BCKDHB: variants seen among roughly 807,000 people sequenced by gnomAD.
BCKDHB encodes the protein branched chain keto acid dehydrogenase E1 subunit beta, also known as 2-oxoisovalerate dehydrogenase subunit beta, mitochondrial.
In BCKDHB, 41 loss-of-function variants were observed where a neutral mutation model predicts 48.5. The observed-to-expected ratio is 0.85, with a 90% CI of 0.66 to 1.10. The LOEUF (loss-of-function observed/expected upper bound fraction) is 1.10. Ranked by LOEUF, BCKDHB falls within the 50% of genes least tolerant of loss-of-function variation. The pLI is 0.00. For synonymous variants in BCKDHB, 201 were observed against 174.8 expected, an observed-to-expected ratio of 1.15 and a Z score of -1.18; for missense variants, 496 against 494.2, an observed-to-expected ratio of 1.00 and a Z score of -0.03.
intron 8 of BCKDHB, among the ~76,000 whole-genome samples, chr6:80,238,217 C>T (rs1249812154): frequency 6.6e-6 from 1 of 152,226 alleles, no homozygotes; most frequent in Non-Finnish European, 1.5e-5. Context: ...CCTGCCTCAG[C>T]CTCCTGAGTA....
At chr6:80,207,063 G>C (rs1020882567) in intron 8 of BCKDHB, among the ~76,000 whole-genome samples, 1 of 151,914 alleles carries the variant, frequency 6.6e-6, no homozygotes, top group African/African-American at 2.4e-5. Flanking sequence ...TCACTAGCAG[G>C]CTCTCACTAA....
At chr6:80,258,665 A>G (rs2127947110) in intron 8 of BCKDHB, among the ~76,000 whole-genome samples, 1 of 152,216 alleles carries the variant, frequency 6.6e-6, no homozygotes, top group Admixed American at 6.5e-5. Flanking sequence ...GGGGGCTAGT[A>G]TCTAAGCAGT....
At chr6:80,362,733 A>G in the BCKDHB span, among the ~76,000 whole-genome samples, 4 of 152,344 alleles carry the variant, frequency 2.6e-5, no homozygotes, top group African/African-American at 9.6e-5. Context: ...GAGAGATTTG[A>G]TGTGAACAAA....
At chr6:80,451,160 A>T in the BCKDHB span, among the ~76,000 whole-genome samples, 1 of 152,198 alleles carries the variant, frequency 6.6e-6, no homozygotes, top group Non-Finnish European at 1.5e-5. Flanking sequence ...CCTCATTTCT[A>T]CCAAGAATAA....
the BCKDHB span, among the ~76,000 whole-genome samples, chr6:80,426,718 C>T: frequency 2.0e-5 from 3 of 152,062 alleles, no homozygotes; most frequent in African/African-American, 4.8e-5. Flanking sequence ...AAAAAATGTA[C>T]TGAGACATGT....
chr6:80,313,378 T>C (rs1768265022), intron 9 of BCKDHB, among the ~76,000 whole-genome samples: 1 of 152,180 alleles, frequency 6.6e-6, no homozygotes, highest in South Asian at 2.1e-4. Context: ...TGTTTTTCTT[T>C]GAGATGGAGT....
Position 80,217,353 on chromosome 6 carries a change from C to G in BCKDHB, c.951+14141C>G, listed in dbSNP as rs772714937. On this transcript the variant is annotated intron_variant, in intron 8 of 9. Transcript: ENST00000320393. Reference sequence around the variant, plus strand: ...TGCTTTCATTTTTTTCTTCTAGGAACTTGGTTTGTTTCTTTACGTGTTTAT... The same window carrying G: ...TGCTTTCATTTTTTTCTTCTAGGAAGTTGGTTTGTTTCTTTACGTGTTTAT... Among the ~76,000 whole-genome samples the G allele has an allele frequency of 1.8e-4, 27 of 152,176 alleles. 1 individual carries two copies. Among genetic ancestry groups the G allele is most frequent in the South Asian group, 1.7e-3 (8 of 4,826 alleles).
chr6:80,135,947 T>C (rs1247277008), intron 3 of BCKDHB: 3 of 152,218 alleles, frequency 2.0e-5, no homozygotes, highest in Admixed American at 2.0e-4. Context: ...GCCTTATTCA[T>C]TTATAATAAT....
At chr6:80,129,805 T>G (rs2127728661) in intron 3 of BCKDHB, among the ~76,000 whole-genome samples, 1 of 152,312 alleles carries the variant, frequency 6.6e-6, no homozygotes, top group South Asian at 2.1e-4. Flanking sequence ...CTTAAGGCCT[T>G]AAATTGATTG....
intron 3 of BCKDHB, among the ~76,000 whole-genome samples, chr6:80,131,199 G>A (rs1056145581): frequency 5.3e-5 from 8 of 152,122 alleles, no homozygotes; most frequent in African/African-American, 1.9e-4. Flanking sequence ...TCAGACTTCC[G>A]TTCTGAGCTT....
chr6:80,377,040 A>ATT, the BCKDHB span, among the ~76,000 whole-genome samples: 24 of 133,288 alleles, frequency 1.8e-4, no homozygotes, highest in African/African-American at 5.5e-4. Context: ...AAGGCTTTTA[A>ATT]TTTTTTTTTT....
intron 3 of BCKDHB, among the ~76,000 whole-genome samples, chr6:80,144,879 C>T (rs1771402816): frequency 6.6e-6 from 1 of 152,120 alleles, no homozygotes; most frequent in Non-Finnish European, 1.5e-5. Flanking sequence ...CACAGTCTTC[C>T]ACTGTTTAAA....
intron 6 of BCKDHB, among the ~76,000 whole-genome samples, chr6:80,183,954 G>A (rs1773527131): frequency 6.6e-6 from 1 of 152,034 alleles, no homozygotes; most frequent in Admixed American, 6.6e-5. Context: ...ATACTCCATT[G>A]TTTGGAAGTA....
intron 6 of BCKDHB, among the ~76,000 whole-genome samples, chr6:80,177,225 C>CAAAAAGAAAA (rs1773201921): frequency 2.3e-5 from 1 of 43,150 alleles, no homozygotes; most frequent in Non-Finnish European, 4.1e-5. Context: ...GACCTTGTCT[C>CAAAAAGAAAA]AAAAAAAAAA....
At chr6:80,263,071 A>G (rs1777370673) in intron 8 of BCKDHB, among the ~76,000 whole-genome samples, 2 of 152,164 alleles carry the variant, frequency 1.3e-5, no homozygotes, top group Admixed American at 6.6e-5. Flanking sequence ...ATTAAATTGT[A>G]TTTCTGGAGA....
chr6:80,280,178 A>C (rs2127973829), intron 9 of BCKDHB, among the ~76,000 whole-genome samples: 1 of 152,334 alleles, frequency 6.6e-6, no homozygotes, highest in Non-Finnish European at 1.5e-5. Flanking sequence ...AATAGATATG[A>C]CAGAGTAAAG....
At chr6:80,169,990 G>GTTCTTT in intron 5 of BCKDHB, 1 of 1,221,108 alleles carries the variant, frequency 8.2e-7, no homozygotes, top group South Asian at 3.3e-5. Flanking sequence ...GATCTTTTCT[G>GTTCTTT]TCTGTCCCCT....
At chr6:80,165,562 A>G (rs1265769484) in intron 3 of BCKDHB, among the ~76,000 whole-genome samples, 1 of 152,182 alleles carries the variant, frequency 6.6e-6, no homozygotes, top group Non-Finnish European at 1.5e-5. Context: ...TTCTCCCAAA[A>G]CATTTGGTTA....
the BCKDHB span, among the ~76,000 whole-genome samples, chr6:80,439,049 G>T: frequency 6.6e-6 from 1 of 152,168 alleles, no homozygotes; most frequent in Non-Finnish European, 1.5e-5. Flanking sequence ...GGATACAAAT[G>T]AAGCTGGACC....
Sources: gnomAD v4.1 joint callset for allele counts (sites outside exome capture counted in the v4.1 genomes callset) on GRCh38, gnomAD v4.1.1 for gene constraint, MANE v1.5 for transcripts, NCBI Gene and HGNC (gene_info 2026-07-23, HGNC 2026-07-21) for gene names.